SLC44A5: variants seen among roughly 807,000 people sequenced by gnomAD.
SLC44A5 encodes choline transporter-like protein 5.
SLC44A5 carries 57 observed loss-of-function variants against 101.8 expected under a neutral mutation model. The observed-to-expected ratio is 0.56, with a 90% CI of 0.45 to 0.70. SLC44A5 has a LOEUF of 0.70. SLC44A5 is among the 30% of genes least tolerant of loss of function. The pLI, the probability that SLC44A5 is intolerant of heterozygous loss-of-function variation, is 0.00. For synonymous variants in SLC44A5, 281 were observed against 290.9 expected (o/e 0.97, Z 0.35); for missense variants, 737 against 853.1 (o/e 0.86, Z 1.70).
At chr1:75,220,901 C>T (rs2100505830) in intron 14 of SLC44A5, among the ~76,000 whole-genome samples, 1 of 152,148 alleles carries the variant, frequency 6.6e-6, no homozygotes, top group East Asian at 1.9e-4. Flanking sequence ...TTAGGTTTAC[C>T]CTGTATTCTC....
In SLC44A5 at chr1:75,251,223, C is replaced by T. The variant is rs746227304; in HGVS notation, c.332G>A (p.Cys111Tyr). The change falls in exon 7 of 24, where the codon TGC becomes TAC. Residue 111 changes from cysteine to tyrosine, a missense_variant. Physicochemically the swap from Cys to Tyr is radical, Grantham distance 194. Around this residue, in one of 3 missense-constraint regions of SLC44A5, gnomAD observed 665 missense variants for 764.4 expected, o/e 0.87. Coordinates refer to ENST00000370859, the MANE Select transcript of SLC44A5 (RefSeq NM_001130058.2). ...CTTTTGCCTTACCTGTGTGGTAGGG[C>T]ACTGTAGGTTTAGCAACACGGAGGG... ...TSPSVLLNLQ[C>Y]PTTQICVSKC... 2.3e-5 allele frequency: 37 copies of T among 1,612,958 alleles called. No individual in the cohort carries two copies. The highest frequency in any genetic ancestry group is 3.1e-5 in the Non-Finnish European group (37 of 1,179,098).
At chr1:75,676,700 T>C in the SLC44A5 span, among the ~76,000 whole-genome samples, 1 of 152,264 alleles carries the variant, frequency 6.6e-6, no homozygotes, top group Non-Finnish European at 1.5e-5. Flanking sequence ...GAACTTAAAA[T>C]TTTATTTAAA....
chr1:75,205,292 G>A (rs1310639783), intron 23 of SLC44A5: 1 of 152,144 alleles, frequency 6.6e-6, no homozygotes, highest in Non-Finnish European at 1.5e-5. Context: ...TTGGATATAT[G>A]AGTGATATTC....
chr1:75,562,666 A>T (rs923837936), intron 1 of SLC44A5, among the ~76,000 whole-genome samples: 7 of 152,096 alleles, frequency 4.6e-5, no homozygotes, highest in Admixed American at 4.6e-4. Flanking sequence ...CAGCCCAGGT[A>T]ACAGAGTGAG....
chr1:75,693,745 G>GA, the SLC44A5 span, among the ~76,000 whole-genome samples: 1 of 152,120 alleles, frequency 6.6e-6, no homozygotes, highest in South Asian at 2.1e-4. Context: ...TGAGGTAGGA[G>GA]AAAATCTAAG....
Position 75,202,460 on chromosome 1 carries a change from C to T in SLC44A5, c.*1267G>A, listed in dbSNP as rs1646680665. The T allele has an allele frequency of 6.6e-6, 1 of 152,150 alleles. No homozygotes were observed. The highest frequency in any genetic ancestry group is 2.4e-5 in the African/African-American group (1 of 41,432). 9.4% of individuals were successfully genotyped at this position (152,150 alleles called of 1,614,324 possible). A position where few individuals can be genotyped will look rare whatever the true frequency, so the allele number is the denominator to read the frequency against. On this transcript the variant is annotated 3_prime_UTR_variant, in exon 24 of 24. Transcript: ENST00000370859. ...CTTAGGGTGAATACTTTTCTGGACT[C>T]TTTCTGTAACAAACACTGAGTAACC...
chr1:75,343,632 G>T (rs1026250964), intron 3 of SLC44A5, among the ~76,000 whole-genome samples: 2 of 152,134 alleles, frequency 1.3e-5, no homozygotes, highest in African/African-American at 4.8e-5. Flanking sequence ...CAGGTGGGAT[G>T]AATACATGTT....
At chr1:75,551,494 C>G (rs566108915) in intron 1 of SLC44A5, among the ~76,000 whole-genome samples, 7 of 152,228 alleles carry the variant, frequency 4.6e-5, no homozygotes, top group South Asian at 2.1e-4. Context: ...AATGTGCTGA[C>G]AAGCTGACAG....
At chr1:75,227,447 A>G (rs17567259) in intron 13 of SLC44A5, among the ~76,000 whole-genome samples, 8,047 of 152,272 alleles carry the variant, frequency 0.053, 262 homozygotes, top group Middle Eastern at 0.13. Flanking sequence ...TCTTTCTTAG[A>G]CCTCAGGTTA....
At chr1:75,594,158 T>C (rs1390881580) in intron 1 of SLC44A5, among the ~76,000 whole-genome samples, 2 of 151,890 alleles carry the variant, frequency 1.3e-5, no homozygotes, top group African/African-American at 4.8e-5. Context: ...AATAAAACAC[T>C]TAAGATCTTT....
intron 2 of SLC44A5, among the ~76,000 whole-genome samples, chr1:75,508,142 A>T (rs937429781): frequency 1.8e-4 from 28 of 152,096 alleles, no homozygotes; most frequent in African/African-American, 4.8e-4. Context: ...CAATAAATTT[A>T]AAAAAAATCA....
chr1:75,591,445 G>T (rs1674347450), intron 1 of SLC44A5, among the ~76,000 whole-genome samples: 1 of 152,120 alleles, frequency 6.6e-6, no homozygotes, highest in South Asian at 2.1e-4. Context: ...TATGCTGTTG[G>T]ATTTGATTAC....
intron 1 of SLC44A5, among the ~76,000 whole-genome samples, chr1:75,605,375 T>C (rs1557955648): frequency 6.6e-6 from 1 of 151,324 alleles, no homozygotes; most frequent in African/African-American, 2.4e-5. Flanking sequence ...GGAGAAAAAA[T>C]AAAAATAAAT....
the SLC44A5 span, among the ~76,000 whole-genome samples, chr1:75,669,799 A>G: frequency 6.6e-6 from 1 of 152,208 alleles, no homozygotes; most frequent in African/African-American, 2.4e-5. Flanking sequence ...TCTTGAGGAC[A>G]GAAATTGAGT....
the SLC44A5 span, among the ~76,000 whole-genome samples, chr1:75,699,904 AAAG>A: frequency 6.6e-6 from 1 of 152,140 alleles, no homozygotes; most frequent in Non-Finnish European, 1.5e-5. Flanking sequence ...CAAAAGAGAC[AAAG>A]AAGGCCATTA....
chr1:75,308,713 A>G (rs753404529), intron 4 of SLC44A5, among the ~76,000 whole-genome samples: 1 of 152,220 alleles, frequency 6.6e-6, no homozygotes, highest in Non-Finnish European at 1.5e-5. Flanking sequence ...AAGGGAATTC[A>G]TATCTGTTTG....
chr1:75,708,086 A>T, the SLC44A5 span, among the ~76,000 whole-genome samples: 1 of 152,038 alleles, frequency 6.6e-6, no homozygotes, highest in Non-Finnish European at 1.5e-5. Context: ...AACTGGTAAA[A>T]TATTTCTAGA....
chr1:75,248,309 G>A (rs1361827337), intron 7 of SLC44A5, among the ~76,000 whole-genome samples: 1 of 152,034 alleles, frequency 6.6e-6, no homozygotes, highest in Non-Finnish European at 1.5e-5. Flanking sequence ...GTATATTGAT[G>A]GAGATAATTT....
intron 6 of SLC44A5, among the ~76,000 whole-genome samples, chr1:75,274,738 T>G (rs1284591971): frequency 6.6e-6 from 1 of 152,220 alleles, no homozygotes; most frequent in Non-Finnish European, 1.5e-5. Context: ...AGAGTCTTCA[T>G]GCATTCTAAT....
Sources: allele counts gnomAD v4.1 joint callset (sites outside exome capture counted in the v4.1 genomes callset), GRCh38; gene constraint gnomAD v4.1.1; regional missense constraint gnomAD v4.1.1; transcripts MANE v1.5; gene names NCBI Gene and HGNC (gene_info 2026-07-23, HGNC 2026-07-21).